MAGI2: variants seen among roughly 807,000 people sequenced by gnomAD.
MAGI2 encodes the protein membrane-associated guanylate kinase, WW and PDZ domain-containing protein 2.
In MAGI2, 35 loss-of-function variants were observed where a neutral mutation model predicts 133.3. The observed-to-expected ratio is 0.26, with a 90% CI of 0.20 to 0.35. The LOEUF (loss-of-function observed/expected upper bound fraction) is 0.35. Ranked by LOEUF, MAGI2 falls within the 10% of genes least tolerant of loss-of-function variation. The pLI is 1.00. For missense variants in MAGI2, 1,636 were observed against 1,863.4 expected, an observed-to-expected ratio of 0.88 and a Z score of 2.25; for synonymous variants, 729 against 710.6, an observed-to-expected ratio of 1.03 and a Z score of -0.41.
intron 11 of MAGI2, among the ~76,000 whole-genome samples, chr7:78,200,581 G>A (rs1374697498): frequency 6.6e-6 from 1 of 151,886 alleles, no homozygotes; most frequent in East Asian, 1.9e-4. Flanking sequence ...ATGTGTGTGT[G>A]TATATGTATA....
intron 1 of MAGI2, among the ~76,000 whole-genome samples, chr7:79,097,742 T>A (rs1028004058): frequency 1.3e-5 from 2 of 152,244 alleles, no homozygotes; most frequent in African/African-American, 4.8e-5. Flanking sequence ...ATCCACACTA[T>A]GATGTATTAT....
chr7:79,015,324 G>A (rs907545006), intron 1 of MAGI2, among the ~76,000 whole-genome samples: 3 of 129,730 alleles, frequency 2.3e-5, no homozygotes. Context: ...ATTCTTAAAA[G>A]CCAGGTCAGT....
rs115845034 is a variant in MAGI2, at chr7:78,954,299, A to G, written c.418+52791T>C. 3.9e-3 allele frequency among the ~76,000 whole-genome samples: 594 copies of G among 152,166 alleles called. 2 individuals are homozygous for G. The highest frequency in any genetic ancestry group is 0.013 in the African/African-American group (559 of 41,524). On this transcript the variant is annotated intron_variant, in intron 2 of 21. Transcript: ENST00000354212. Reference sequence around the variant, plus strand: ...GTTTCTGTAATATGCTTCTTTTTCAAAATTATGACCTCCCACATTACAAAT... The same window carrying G: ...GTTTCTGTAATATGCTTCTTTTTCAGAATTATGACCTCCCACATTACAAAT...
chr7:78,912,321 T>C (rs1798458185), intron 2 of MAGI2, among the ~76,000 whole-genome samples: 1 of 152,150 alleles, frequency 6.6e-6, no homozygotes, highest in Non-Finnish European at 1.5e-5. Context: ...GAGAAAGCAA[T>C]GAACTCAGCT....
intron 1 of MAGI2, among the ~76,000 whole-genome samples, chr7:79,222,299 A>G (rs1328887760): frequency 6.6e-6 from 1 of 152,124 alleles, no homozygotes; most frequent in African/African-American, 2.4e-5. Context: ...AATACAGAGT[A>G]TAACAAGAAA....
chr7:79,421,095 T>C (rs1395391035), intron 1 of MAGI2, among the ~76,000 whole-genome samples: 1 of 152,024 alleles, frequency 6.6e-6, no homozygotes, highest in Non-Finnish European at 1.5e-5. Flanking sequence ...TTCCTTTGGG[T>C]ACCGTGGACT....
At chr7:79,000,232 AT>A (rs1207871642) in intron 2 of MAGI2, 2 of 152,176 alleles carry the variant, frequency 1.3e-5, no homozygotes, top group Non-Finnish European at 2.9e-5. Flanking sequence ...AACTCAGGGA[AT>A]TTCTTTCCAT....
At chr7:78,883,668 A>C (rs191825613) in intron 2 of MAGI2, among the ~76,000 whole-genome samples, 2 of 152,238 alleles carry the variant, frequency 1.3e-5, no homozygotes, top group African/African-American at 4.8e-5. Flanking sequence ...GATAAAAATC[A>C]GACAACACGG....
intron 1 of MAGI2, among the ~76,000 whole-genome samples, chr7:79,163,785 C>G (rs557992774): frequency 6.6e-6 from 1 of 152,118 alleles, no homozygotes; most frequent in African/African-American, 2.4e-5. Flanking sequence ...CTAATCTTGA[C>G]TATCTTTTTG....
intron 1 of MAGI2, among the ~76,000 whole-genome samples, chr7:79,438,243 G>C (rs372183560): frequency 3.4e-4 from 52 of 152,162 alleles, no homozygotes; most frequent in Admixed American, 9.2e-4. Flanking sequence ...ACGAGCCGGC[G>C]CTCATTATTC....
At chr7:79,101,741 GAA>G (rs1818004672) in intron 1 of MAGI2, among the ~76,000 whole-genome samples, 2 of 114,434 alleles carry the variant, frequency 1.7e-5, no homozygotes, top group South Asian at 2.5e-4. Flanking sequence ...AAAAAAAAAA[GAA>G]AAAAGAAAAA....
intron 2 of MAGI2, among the ~76,000 whole-genome samples, chr7:78,979,357 C>A (rs1804583438): frequency 6.6e-6 from 1 of 151,736 alleles, no homozygotes; most frequent in African/African-American, 2.4e-5. Flanking sequence ...AAAGTCCCCC[C>A]CCAGCCAATG....
At chr7:78,472,419 T>C (rs925223590) in intron 6 of MAGI2, among the ~76,000 whole-genome samples, 1 of 151,860 alleles carries the variant, frequency 6.6e-6, no homozygotes, top group African/African-American at 2.4e-5. Flanking sequence ...CACTTGATAA[T>C]ATTTACTAGA....
chr7:78,705,619 G>C (rs1818564752), intron 2 of MAGI2, among the ~76,000 whole-genome samples: 1 of 152,108 alleles, frequency 6.6e-6, no homozygotes, highest in Non-Finnish European at 1.5e-5. Flanking sequence ...CCAGTGGACT[G>C]TGAAGAAGCT....
chr7:79,298,761 G>T (rs1224076734), intron 1 of MAGI2, among the ~76,000 whole-genome samples: 1 of 152,056 alleles, frequency 6.6e-6, no homozygotes, highest in East Asian at 1.9e-4. Context: ...TTAGAGTGAG[G>T]TAGTGAATTT....
chr7:79,048,129 C>T (rs1243485210), intron 1 of MAGI2, among the ~76,000 whole-genome samples: 1 of 152,088 alleles, frequency 6.6e-6, no homozygotes. Context: ...ATTCTTAGCA[C>T]TTCCATTGTG....
chr7:79,371,589 C>T (rs533064610), intron 1 of MAGI2, among the ~76,000 whole-genome samples: 15 of 152,156 alleles, frequency 9.9e-5, no homozygotes, highest in South Asian at 4.1e-4. Context: ...AAGTTTGTAG[C>T]GTAGAAACAG....
intron 1 of MAGI2, among the ~76,000 whole-genome samples, chr7:79,398,196 G>A (rs564009647): frequency 6.6e-6 from 1 of 152,168 alleles, no homozygotes; most frequent in African/African-American, 2.4e-5. Context: ...ACAACTAATC[G>A]AACATGGCAG....
rs117788032 is a variant in MAGI2, at chr7:78,929,285, G to A, written c.418+77805C>T. 1.4e-4 allele frequency among the ~76,000 whole-genome samples: 21 copies of A among 152,104 alleles called. No homozygotes were observed. The East Asian group carries it at 4.1e-3, about 29-fold the overall frequency. On this transcript the variant is annotated intron_variant, in intron 2 of 21. Transcript: ENST00000354212. Reference sequence around the variant, plus strand: ...TTAAACCTTGAATTTAAGTTATTCTGGTGATAAGTGAATTACTTTAACATC... The same window carrying A: ...TTAAACCTTGAATTTAAGTTATTCTAGTGATAAGTGAATTACTTTAACATC...
Sources: allele counts gnomAD v4.1 joint callset (sites outside exome capture counted in the v4.1 genomes callset), GRCh38; gene constraint gnomAD v4.1.1; transcripts MANE v1.5; gene names NCBI Gene and HGNC (gene_info 2026-07-23, HGNC 2026-07-21).